XCR1: variants seen among roughly 807,000 people sequenced by gnomAD.
The protein encoded by XCR1 is X-C motif chemokine receptor 1, also known as chemokine XC receptor 1.
For missense variants in XCR1, 356 were observed against 424.2 expected (o/e 0.84, Z 1.41); for synonymous variants, 187 against 188.5 (o/e 0.99, Z 0.06).
intron 3 of XCR1, among the ~76,000 whole-genome samples, chr3:46,071,327 T>A (rs1698160770): frequency 6.6e-6 from 1 of 152,138 alleles, no homozygotes. Flanking sequence ...AGGTGGCTTT[T>A]TTTTAAGTTT....
chr3:46,050,517 A>G (rs1279213314), intron 5 of XCR1, among the ~76,000 whole-genome samples: 1 of 152,208 alleles, frequency 6.6e-6, no homozygotes, highest in African/African-American at 2.4e-5. Context: ...TACTTCTCTG[A>G]ATAATTTATG....
intron 1 of XCR1, among the ~76,000 whole-genome samples, chr3:46,079,289 G>A (rs1407530068): frequency 2.0e-5 from 3 of 152,112 alleles, no homozygotes; most frequent in African/African-American, 4.8e-5. Context: ...TGGCCAAAAT[G>A]TGGGTCTTTT....
At chr3:46,051,174 C>T (rs955813512) in intron 5 of XCR1, among the ~76,000 whole-genome samples, 1 of 152,198 alleles carries the variant, frequency 6.6e-6, no homozygotes, top group Non-Finnish European at 1.5e-5. Flanking sequence ...TTACTGATAA[C>T]AGATTAGGGT....
rs576345993 is a variant in XCR1 at position 46,027,053 on chromosome 3, T to G, written c.-32+364A>C. ...GTGCTACCACACCTAGCTAATTTTT[T>G]GGGGTATTTTTTGCAGAGATAGGGT... On this transcript the variant is annotated intron_variant, in intron 1 of 1. Coordinates refer to ENST00000309285, the MANE Select transcript of XCR1 (RefSeq NM_001024644.2). Among the ~76,000 whole-genome samples, 39 of 152,158 alleles carry G rather than the reference T, an allele frequency of 2.6e-4. No individual in the cohort carries two copies. The East Asian group carries it at 2.7e-3, about 11-fold the overall frequency.
rs138004555 is a variant in XCR1 at position 46,044,040 on chromosome 3, G to T, written c.-32+9880C>A. On this transcript the variant is annotated intron_variant, in intron 5 of 5. Transcript: ENST00000683768. ...AGACAGAGTCTTGCTCTGTCACCCA[G>T]GCTAGAGTGCAGTGGTGCAATCTCA... 2.0e-3 allele frequency among the ~76,000 whole-genome samples: 311 copies of T among 152,110 alleles called. 1 individual carries two copies. Among genetic ancestry groups the T allele is most frequent in the African/African-American group, 7.3e-3 (302 of 41,488 alleles).
intron 5 of XCR1, among the ~76,000 whole-genome samples, chr3:46,041,267 G>A (rs1697532472): frequency 6.6e-6 from 1 of 152,188 alleles, no homozygotes; most frequent in African/African-American, 2.4e-5. Flanking sequence ...GGCTTTGACT[G>A]AAATGGCCTT....
chr3:46,033,537 C>A (rs746535131), intron 5 of XCR1, among the ~76,000 whole-genome samples: 4 of 152,146 alleles, frequency 2.6e-5, no homozygotes, highest in South Asian at 4.1e-4. Context: ...TGCTAGTATA[C>A]TTTCACCAGT....
intron 1 of XCR1, chr3:46,023,906 A>G (rs1708228001): frequency 1.2e-5 from 18 of 1,504,800 alleles, no homozygotes; most frequent in Admixed American, 1.7e-5. Context: ...AAAAGGCCAG[A>G]CTTCTAAAAA....
chr3:46,078,583 T>C (rs1698302825), intron 1 of XCR1, among the ~76,000 whole-genome samples: 1 of 152,010 alleles, frequency 6.6e-6, no homozygotes, highest in African/African-American at 2.4e-5. Context: ...GGAAGGGAGG[T>C]CTGGGTCCAG....
rs752445557 is a variant in XCR1 at position 46,020,963 on chromosome 3, C to T, written c.985G>A (p.Gly329Ser). 1 of 1,612,226 alleles carries T rather than the reference C, an allele frequency of 6.2e-7. No individual in the cohort carries two copies. Among genetic ancestry groups the T allele is most frequent in the Non-Finnish European group, 8.5e-7 (1 of 1,179,188 alleles). ...PHSPGAFAYE[G>S]ASFY ...CAGGCCCCTCAGTAGAAGGAGGCGC[C>T]CTCATAGGCGAAGGCACCAGGGGAG... Residue 329 changes from glycine (G) to serine (S), a missense_variant, in exon 2 of 2, where the codon GGC (glycine) becomes AGC (serine). Coordinates refer to ENST00000309285, the MANE Select transcript of XCR1 (RefSeq NM_001024644.2).
chr3:46,020,704 C>CA lies in XCR1; in HGVS notation c.*241dup. ...AATGAAGGAGCGTGCAAGATGAACT[C>CA]AGAGTTCAAGAAATGTTTTTTTGGA... On this transcript the variant is annotated 3_prime_UTR_variant, in exon 2 of 2. Coordinates refer to ENST00000309285, the MANE Select transcript of XCR1 (RefSeq NM_001024644.2). 1 of 567,456 alleles carries CA rather than the reference C, an allele frequency of 1.8e-6. No homozygotes were observed. Among genetic ancestry groups the CA allele is most frequent in the Non-Finnish European group, 3.1e-6 (1 of 322,266 alleles). 35.2% of individuals were successfully genotyped at this position (567,456 alleles called of 1,614,324 possible).
intron 4 of XCR1, among the ~76,000 whole-genome samples, chr3:46,057,381 A>C (rs1384423009): frequency 2.0e-5 from 3 of 152,204 alleles, no homozygotes; most frequent in Non-Finnish European, 2.9e-5. Flanking sequence ...AAGGGGCGCA[A>C]AGCAACTGTT....
upstream of XCR1, among the ~76,000 whole-genome samples, chr3:46,030,376 A>G (rs13060287): frequency 0.2 from 30,311 of 152,062 alleles, 4,422 homozygotes; most frequent in African/African-American, 0.4. Context: ...TCATGAAATG[A>G]TGTTGGGTTT....
upstream of XCR1, among the ~76,000 whole-genome samples, chr3:46,030,395 G>T (rs1198960220): frequency 6.6e-6 from 1 of 152,114 alleles, no homozygotes; most frequent in African/African-American, 2.4e-5. Flanking sequence ...TTTGTTAAAT[G>T]CTTATTCTGC....
At chr3:46,029,434 ATC>A (rs1487883247), upstream of XCR1, among the ~76,000 whole-genome samples, 1 of 152,144 alleles carries the variant, frequency 6.6e-6, no homozygotes, top group Non-Finnish European at 1.5e-5. Context: ...GGCTCAAGTG[ATC>A]TGCTTGCCTC....
intron 4 of XCR1, among the ~76,000 whole-genome samples, chr3:46,064,778 C>T (rs1053779959): frequency 6.6e-6 from 1 of 152,180 alleles, no homozygotes; most frequent in Non-Finnish European, 1.5e-5. Flanking sequence ...CACCAAGGGA[C>T]CCCCACTGAT....
rs36040135 is a variant in XCR1 at position 46,019,812 on chromosome 3, A to G, written c.*1134T>C. Reference sequence around the variant, plus strand: ...TGAAGCACCTGGTGTAAGGGCAGAGAACAGCCTGGTGGGGAAAGAGAGGAG... The same window carrying G: ...TGAAGCACCTGGTGTAAGGGCAGAGGACAGCCTGGTGGGGAAAGAGAGGAG... On this transcript the variant is annotated 3_prime_UTR_variant, in exon 2 of 2. Coordinates refer to ENST00000309285, the MANE Select transcript of XCR1 (RefSeq NM_001024644.2). The G allele has an allele frequency of 0.2, 30,388 of 152,300 alleles. 4,442 individuals carry two copies. The highest frequency in any genetic ancestry group is 0.4 in the African/African-American group (16,568 of 41,478). The allele number at this position is 152,300 out of a possible 1,614,324, so 9.4% of individuals were successfully genotyped here. A position where few individuals can be genotyped will look rare whatever the true frequency, so the allele number is the denominator to read the frequency against.
At chr3:46,074,703 C>T (rs545567011) in exon 3 of XCR1, among the ~76,000 whole-genome samples, 1 of 152,260 alleles carries the variant, frequency 6.6e-6, no homozygotes, top group South Asian at 2.1e-4. Context: ...TCATTGTCTT[C>T]ACACTGAGTA....
chr3:46,077,282 C>T (rs972772327), intron 1 of XCR1, among the ~76,000 whole-genome samples: 1 of 152,090 alleles, frequency 6.6e-6, no homozygotes, highest in Non-Finnish European at 1.5e-5. Context: ...GGAGGTCCTC[C>T]TCCTGTCAGA....
Sources: allele counts gnomAD v4.1 joint callset (sites outside exome capture counted in the v4.1 genomes callset), GRCh38; gene constraint gnomAD v4.1.1; transcripts MANE v1.5; gene names NCBI Gene and HGNC (gene_info 2026-07-23, HGNC 2026-07-21).